Variants in E2F4 observed in about 807,000 individuals in gnomAD.
E2F4 encodes the protein E2F transcription factor 4, also known as transcription factor E2F4.
A neutral mutation model predicts 44.5 loss-of-function variants in E2F4; 16 were observed. The observed-to-expected ratio is 0.36, with a 90% CI of 0.24 to 0.55. The LOEUF (loss-of-function observed/expected upper bound fraction) is 0.55. E2F4 is among the 20% of genes least tolerant of loss of function. The probability of loss-of-function intolerance (pLI) is 0.87; values close to 1 mark genes in which losing one functional copy is unlikely to be tolerated. For missense variants in E2F4, 473 were observed against 522.1 expected (o/e 0.91, Z 0.92); for synonymous variants, 242 against 207.2 (o/e 1.17, Z -1.44).
intron 2 of E2F4, 60 bp from the exon 3 acceptor site, chr16:67,192,949 C>T (rs1421589507): frequency 6.4e-7 from 1 of 1,561,458 alleles, no homozygotes; most frequent in Non-Finnish European, 8.7e-7. Flanking sequence ...CCGAAGAAGG[C>T]AGGGGCCATG....
In E2F4 at chr16:67,198,207, C is replaced by T. The variant is rs765671607; in HGVS notation, c.*84C>T. 8 of 1,262,298 alleles carry T rather than the reference C, an allele frequency of 6.3e-6. No individual in the cohort carries two copies. Among genetic ancestry groups the T allele is most frequent in the South Asian group, 1.2e-5 (1 of 82,954 alleles). 78.2% of individuals were successfully genotyped at this position (1,262,298 alleles called of 1,614,324 possible). On this transcript the variant is annotated 3_prime_UTR_variant, in exon 10 of 10. Coordinates refer to ENST00000379378, the MANE Select transcript of E2F4 (RefSeq NM_001950.4). Reference sequence around the variant, plus strand: ...GGGGACCTCTCCCACCCGACCCCTACAGAGCTTGAGAGCCACAGACGCCTG... The same window carrying T: ...GGGGACCTCTCCCACCCGACCCCTATAGAGCTTGAGAGCCACAGACGCCTG...
At position 67,197,899 on chromosome 16, in the gene E2F4, A is replaced by T; in HGVS notation, c.1114A>T (p.Met372Leu). ...CMSSELLEEL[M>L]SSEVFAPLLR... The stretch of plus-strand genomic sequence containing the variant: ...GAGCTCGGAGCTGCTGGAGGAGTTG[A>T]TGTCCTCAGAAGGTGGGTGGCCCTG... The change falls in exon 9 of 10, where the codon ATG becomes TTG. Residue 372 changes from methionine to leucine, a missense_variant. By Grantham distance (15) the Met-to-Leu change is conservative (BLOSUM62 2). Coordinates refer to ENST00000379378, the MANE Select transcript of E2F4 (RefSeq NM_001950.4). 6.2e-7 allele frequency: 1 copy of T among 1,614,004 alleles called. No individual in the cohort carries two copies. Among genetic ancestry groups the T allele is most frequent in the Non-Finnish European group, 8.5e-7 (1 of 1,179,986 alleles).
Position 67,195,837 on chromosome 16 carries a change from A to C in E2F4, c.864A>C (p.Pro288=). ...SKDSGELSSL[P]LGPTTLDTRP... ...ACAGTGGTGAGCTCAGTTCACTCCC[A>C]CTGGGCCCAACAACACTGGACACCC... Residue 288 remains proline, a synonymous_variant, in exon 7 of 10, where the codon CCA becomes CCC. Coordinates refer to ENST00000379378, the MANE Select transcript of E2F4 (RefSeq NM_001950.4). 6.2e-7 allele frequency: 1 copy of C among 1,614,024 alleles called. No homozygotes were observed. Among genetic ancestry groups the C allele is most frequent in the Non-Finnish European group, 8.5e-7 (1 of 1,179,994 alleles).
chr16:67,195,998 C>T lies in E2F4; in HGVS notation c.1025C>T (p.Pro342Leu). 1 of 1,614,108 alleles carries T rather than the reference C, an allele frequency of 6.2e-7. No individual in the cohort carries two copies. Among genetic ancestry groups the T allele is most frequent in the Non-Finnish European group, 8.5e-7 (1 of 1,179,970 alleles). Residue 342 changes from proline (P) to leucine (L), a missense_variant, in exon 7 of 10, where the codon CCC becomes CTC. Physicochemically the swap from Pro to Leu is moderately conservative, Grantham distance 98 (BLOSUM62 -3). Transcript: ENST00000379378. ...TCCTTTGAGCCCATCAAGGCAGACC[C>T]CACAGGTGGTGAGTACCTGCCCCCT... ...STSFEPIKAD[P>L]TGVLELPKEL...
At position 67,194,405 on chromosome 16, in the gene E2F4, C is replaced by T. The variant is rs199566877; in HGVS notation, c.459C>T (p.Thr153=). ...EDICRCFAGD[T]LLAIRAPSGT... is the part of the protein sequence containing the mutation. ...TTCTCCATGTCATTCTAGGAGATAC[C>T]CTCTTGGCCATCCGGGCCCCATCAG... Residue 153 remains threonine (T), a synonymous_variant, in exon 5 of 10, where the codon ACC becomes ACT. Transcript: ENST00000379378. 10 of 1,613,964 alleles carry T rather than the reference C, an allele frequency of 6.2e-6. No individual in the cohort carries two copies. The highest frequency in any genetic ancestry group is 3.3e-5 in the Admixed American group (2 of 59,996).
In E2F4 at chr16:67,198,149, T is replaced by C; in HGVS notation, c.*26T>C. On this transcript the variant is annotated 3_prime_UTR_variant, in exon 10 of 10. Coordinates refer to ENST00000379378, the MANE Select transcript of E2F4 (RefSeq NM_001950.4). ...CTGACAGGGACATGCCCTGTGTGGC[T>C]GGGACCCAGACTGTCTGACCTGGGG... The C allele has an allele frequency of 6.2e-7, 1 of 1,604,704 alleles. No individual in the cohort carries two copies. The highest frequency in any genetic ancestry group is 8.5e-7 in the Non-Finnish European group (1 of 1,172,752).
intron 1 of E2F4, 198 bp downstream of exon 1, chr16:67,192,560 G>A: frequency 1.0e-6 from 1 of 990,258 alleles, no homozygotes; most frequent in Non-Finnish European, 1.4e-6. Flanking sequence ...GGCTCGGGCT[G>A]CAGGTGTTCG....
intron 6 of E2F4, chr16:67,195,577 C>G: frequency 9.1e-7 from 1 of 1,097,254 alleles, no homozygotes; most frequent in Non-Finnish European, 1.3e-6. Flanking sequence ...ATGTTGACCA[C>G]GAGTCTTCTT....
At chr16:67,197,019 G>T (rs778892024) in intron 7 of E2F4, among the ~76,000 whole-genome samples, 2 of 151,918 alleles carry the variant, frequency 1.3e-5, no homozygotes, top group African/African-American at 2.4e-5. Context: ...TGAAATGCAG[G>T]CCTGACAGAA....
In E2F4 at chr16:67,194,741, T is replaced by G; in HGVS notation, c.569T>G (p.Ile190Ser). 1 of 1,614,170 alleles carries G rather than the reference T, an allele frequency of 6.2e-7. No individual in the cohort carries two copies. Among genetic ancestry groups the G allele is most frequent in the Non-Finnish European group, 8.5e-7 (1 of 1,180,016 alleles). Residue 190 changes from isoleucine (I) to serine (S), a missense_variant, in exon 6 of 10, where the codon ATT (isoleucine) becomes AGT (serine). Physicochemically the swap from Ile to Ser is moderately radical, Grantham distance 142. Around this residue, in one of 3 missense-constraint regions of E2F4, gnomAD observed 314 missense variants for 315.6 expected, o/e 0.99. Transcript: ENST00000379378. The stretch of plus-strand genomic sequence containing the variant: ...CACCTGAAGAGTGTGAGTGGTCCCA[T>G]TGAGGTTCTGCTGGTGAACAAGGAG... ...QIHLKSVSGP[I>S]EVLLVNKEAW...
chr16:67,195,225 C>T (rs1356486897), intron 6 of E2F4, among the ~76,000 whole-genome samples: 1 of 152,222 alleles, frequency 6.6e-6, no homozygotes, highest in East Asian at 1.9e-4. Flanking sequence ...ACCTCTGCCT[C>T]CCAAGCTCAA....
rs749094733 is a variant in E2F4, at chr16:67,194,734, G to T, written c.562G>T (p.Gly188Cys). Reference protein sequence around the residue: ...KYQIHLKSVSGPIEVLLVNKE... With the variant: ...KYQIHLKSVSCPIEVLLVNKE... ...CCAGATTCACCTGAAGAGTGTGAGTGGTCCCATTGAGGTTCTGCTGGTGAA... is the reference window on the plus strand; with the variant it reads ...CCAGATTCACCTGAAGAGTGTGAGTTGTCCCATTGAGGTTCTGCTGGTGAA... The change falls in exon 6 of 10, where the codon GGT becomes TGT. Residue 188 changes from glycine to cysteine, a missense_variant. Gly to Cys is a radical substitution (Grantham distance 159). Around this residue, in one of 3 missense-constraint regions of E2F4, gnomAD observed 314 missense variants for 315.6 expected, o/e 0.99. Coordinates refer to ENST00000379378, the MANE Select transcript of E2F4 (RefSeq NM_001950.4). 2 of 1,614,060 alleles carry T rather than the reference G, an allele frequency of 1.2e-6. No individual in the cohort carries two copies. Among genetic ancestry groups the T allele is most frequent in the Non-Finnish European group, 1.7e-6 (2 of 1,180,032 alleles).
chr16:67,197,503 C>T lies in E2F4; in HGVS notation c.1034-96C>T, dbSNP rs150698601. On this transcript the variant is annotated intron_variant, in intron 7 of 9. Transcript: ENST00000379378. The stretch of plus-strand genomic sequence containing the variant: ...CTACATCTCCTTAGCTGTGTGGAGC[C>T]TCAGGGTGGGTGGTATAGGATCCGA... The T allele has an allele frequency of 6.5e-5, 83 of 1,282,432 alleles. 3 individuals are homozygous for T. In the African/African-American group the frequency reaches 1.0e-3, roughly 16 times the overall value. 79.4% of individuals were successfully genotyped at this position (1,282,432 alleles called of 1,614,324 possible).
Position 67,193,471 on chromosome 16 carries a change from C to T in E2F4, c.408-1C>T. On this transcript the variant is annotated splice_acceptor_variant, in intron 3 of 9. Transcript: ENST00000379378. LOFTEE classifies it high-confidence loss of function. ...TCAGCCATTCTCCTTAACCCTCACACTTTGGCCTACGTCACTCATGAGGAC... is the reference window on the plus strand; with the variant it reads ...TCAGCCATTCTCCTTAACCCTCACATTTTGGCCTACGTCACTCATGAGGAC... 6.2e-7 allele frequency: 1 copy of T among 1,614,218 alleles called. No homozygotes were observed. Among genetic ancestry groups the T allele is most frequent in the Non-Finnish European group, 8.5e-7 (1 of 1,180,038 alleles).
chr16:67,196,611 TGCAGCTCTGGGTGAAC>T (rs2032973572), intron 7 of E2F4, among the ~76,000 whole-genome samples: 1 of 152,226 alleles, frequency 6.6e-6, no homozygotes, highest in Non-Finnish European at 1.5e-5. Context: ...TGGAGAGGGC[TGCAGCTCTGGGTGAAC>T]GAATCCCCAG....
In E2F4 at chr16:67,192,245, A is replaced by G. The variant is rs1027084240; in HGVS notation, c.18A>G (p.Pro6=). 9.8e-6 allele frequency: 12 copies of G among 1,228,690 alleles called. No individual in the cohort carries two copies. The East Asian group carries it at 1.4e-4, about 14-fold the overall frequency. 76.1% of individuals were successfully genotyped at this position (1,228,690 alleles called of 1,614,324 possible). ...CGGGCGCGATGGCGGAGGCCGGGCC[A>G]CAGGCGCCGCCGCCCCCGGGCACTC... MAEAG[P]QAPPPPGTPS... is the part of the protein sequence containing the mutation. Residue 6 remains proline, a synonymous_variant, in exon 1 of 10, where the codon CCA becomes CCG. Coordinates refer to ENST00000379378, the MANE Select transcript of E2F4 (RefSeq NM_001950.4).
intron 1 of E2F4, 63 bp from the exon 2 acceptor site, chr16:67,192,698 G>T: frequency 1.4e-6 from 2 of 1,469,060 alleles, no homozygotes; most frequent in African/African-American, 1.4e-5. Context: ...CCCAGACCAC[G>T]TCTCAGGGTG....
Position 67,194,843 on chromosome 16 carries a change from C to T in E2F4, c.671C>T (p.Thr224Ile), listed in dbSNP as rs777866947. ...DLLQSPSAVSTPPPLPKPALA... is the reference protein window; with the variant it reads ...DLLQSPSAVSIPPPLPKPALA... ...CTCCAGAGCCCATCTGCTGTTTCTA[C>T]ACCTCCACCTCTGCCCAAGCCTGCC... The change falls in exon 6 of 10, where the codon ACA (threonine) becomes ATA (isoleucine). Residue 224 changes from threonine to isoleucine, a missense_variant. Thr to Ile is a moderately conservative substitution (Grantham distance 89). Around this residue, in one of 3 missense-constraint regions of E2F4, gnomAD observed 314 missense variants for 315.6 expected, o/e 0.99. Coordinates refer to ENST00000379378, the MANE Select transcript of E2F4 (RefSeq NM_001950.4). 38 of 1,614,088 alleles carry T rather than the reference C, an allele frequency of 2.4e-5. No individual in the cohort carries two copies. The highest frequency in any genetic ancestry group is 3.1e-5 in the Non-Finnish European group (37 of 1,180,048).
chr16:67,194,983 G>A lies in E2F4; in HGVS notation c.808+3G>A. Reference sequence around the variant, plus strand: ...TGGCCCAGCAGCTGAGATCACAGGTGAGGCACCATGGGAGCTTGTGACAGA... The same window carrying A: ...TGGCCCAGCAGCTGAGATCACAGGTAAGGCACCATGGGAGCTTGTGACAGA... On this transcript the variant is annotated splice_donor_region_variant and intron_variant, in intron 6 of 9. Coordinates refer to ENST00000379378, the MANE Select transcript of E2F4 (RefSeq NM_001950.4). The A allele has an allele frequency of 6.2e-7, 1 of 1,611,090 alleles. No individual in the cohort carries two copies. Among genetic ancestry groups the A allele is most frequent in the Non-Finnish European group, 8.5e-7 (1 of 1,177,560 alleles).
Sources: allele counts gnomAD v4.1 joint callset (sites outside exome capture counted in the v4.1 genomes callset), GRCh38; gene constraint gnomAD v4.1.1; regional missense constraint gnomAD v4.1.1; transcripts MANE v1.5; gene names NCBI Gene and HGNC (gene_info 2026-07-23, HGNC 2026-07-21).